RALYL: variants seen among roughly 807,000 people sequenced by gnomAD.
RALYL encodes RNA-binding Raly-like protein.
A neutral mutation model predicts 35.1 loss-of-function variants in RALYL; 29 were observed. The observed-to-expected ratio is 0.83, with a 90% CI of 0.61 to 1.13. RALYL has a LOEUF of 1.13. Ranked by LOEUF, RALYL falls within the 50% of genes most tolerant of loss-of-function variation. The pLI, the probability that RALYL is intolerant of heterozygous loss-of-function variation, is 0.00. For missense variants in RALYL, 359 were observed against 360.4 expected (o/e 1.00, Z 0.03); for synonymous variants, 120 against 127.6 (o/e 0.94, Z 0.40).
chr8:84,415,528 G>A (rs1290028909), intron 1 of RALYL, among the ~76,000 whole-genome samples: 3 of 126,914 alleles, frequency 2.4e-5, no homozygotes, highest in African/African-American at 6.0e-5. Context: ...GTGAGCCACC[G>A]CGCCCGGCCG....
intron 1 of RALYL, among the ~76,000 whole-genome samples, chr8:84,307,436 C>T (rs547725433): frequency 2.6e-4 from 39 of 152,208 alleles, no homozygotes; most frequent in Admixed American, 7.9e-4. Context: ...AGTTTGCCCT[C>T]TCTTGTCAAT....
intron 2 of RALYL, among the ~76,000 whole-genome samples, chr8:84,671,518 G>A (rs1017356837): frequency 5.3e-5 from 8 of 152,156 alleles, no homozygotes; most frequent in Admixed American, 3.3e-4. Flanking sequence ...GAACATCCAC[G>A]TGTTTCCATA....
intron 1 of RALYL, among the ~76,000 whole-genome samples, chr8:84,333,589 G>A (rs1436629429): frequency 6.6e-6 from 1 of 151,976 alleles, no homozygotes; most frequent in Non-Finnish European, 1.5e-5. Flanking sequence ...TCTTTATCTG[G>A]CCGGGTCAAC....
chr8:84,369,388 G>A (rs1855217537), intron 1 of RALYL, among the ~76,000 whole-genome samples: 1 of 151,918 alleles, frequency 6.6e-6, no homozygotes, highest in African/African-American at 2.4e-5. Flanking sequence ...GCAGGAAACT[G>A]TGGTAATTTT....
At chr8:84,498,416 A>C (rs28408952) in intron 1 of RALYL, among the ~76,000 whole-genome samples, 1 of 152,092 alleles carries the variant, frequency 6.6e-6, no homozygotes, top group Non-Finnish European at 1.5e-5. Context: ...ATTATTCATA[A>C]TTCCATTAAT....
At chr8:84,370,772 A>C (rs1285978885) in intron 1 of RALYL, among the ~76,000 whole-genome samples, 3 of 151,984 alleles carry the variant, frequency 2.0e-5, no homozygotes, top group Non-Finnish European at 2.9e-5. Flanking sequence ...AGAAGCCTGG[A>C]AACAGAATGA....
chr8:84,559,383 A>G (rs2061341940), intron 2 of RALYL, among the ~76,000 whole-genome samples: 1 of 152,082 alleles, frequency 6.6e-6, no homozygotes. Flanking sequence ...AACCACAAGT[A>G]TCTCTTAGGA....
At chr8:84,190,823 C>T (rs1272272554) in intron 1 of RALYL, among the ~76,000 whole-genome samples, 1 of 151,686 alleles carries the variant, frequency 6.6e-6, no homozygotes, top group East Asian at 1.9e-4. Context: ...CATTAAAACT[C>T]TTTAAGTGGG....
chr8:84,216,013 C>T (rs1457236030), intron 1 of RALYL, among the ~76,000 whole-genome samples: 1 of 151,946 alleles, frequency 6.6e-6, no homozygotes, highest in Admixed American at 6.6e-5. Flanking sequence ...TAACATTTGA[C>T]AATAAATGAT....
At chr8:84,379,283 T>A (rs969205180) in intron 1 of RALYL, among the ~76,000 whole-genome samples, 7 of 151,936 alleles carry the variant, frequency 4.6e-5, no homozygotes, top group African/African-American at 1.7e-4. Context: ...ATAATAGCAG[T>A]GGCAAGAAAA....
At chr8:84,430,397 A>T (rs2047015342) in intron 1 of RALYL, among the ~76,000 whole-genome samples, 1 of 152,206 alleles carries the variant, frequency 6.6e-6, no homozygotes, top group Non-Finnish European at 1.5e-5. Context: ...AATTTCTTTT[A>T]ATTTTTGTAC....
intron 1 of RALYL, among the ~76,000 whole-genome samples, chr8:84,443,590 T>C (rs973304253): frequency 1.3e-5 from 2 of 152,126 alleles, no homozygotes; most frequent in Admixed American, 6.6e-5. Flanking sequence ...GTCCCTTGCT[T>C]GGTATAGAGC....
chr8:84,228,470 C>A (rs1824514469), intron 1 of RALYL, among the ~76,000 whole-genome samples: 1 of 152,070 alleles, frequency 6.6e-6, no homozygotes, highest in East Asian at 1.9e-4. Flanking sequence ...TGATAAAAAT[C>A]CTGCAACTTT....
Position 84,656,901 on chromosome 8 carries a change from T to C in RALYL, c.257-117678T>C, listed in dbSNP as rs538669822. On this transcript the variant is annotated intron_variant, in intron 2 of 8. Transcript: ENST00000521268. ...CTATTTTGTGAGATTATGATTATTA[T>C]AATTTTATAGCTGGAATCATGCTAA... Among the ~76,000 whole-genome samples, 14 of 152,272 alleles carry C rather than the reference T, an allele frequency of 9.2e-5. No individual in the cohort carries two copies. In the South Asian group the frequency reaches 2.7e-3, roughly 29 times the overall value.
chr8:84,293,929 G>A lies in RALYL; in HGVS notation c.-24+109505G>A, dbSNP rs568952705. ...GTTTTCTATTTTTCTTCTTGCAGCA[G>A]TCCTTTTACTTGTGATACCAAAACA... On this transcript the variant is annotated intron_variant, in intron 1 of 8. Coordinates refer to ENST00000521268, the MANE Select transcript of RALYL (RefSeq NM_173848.7). Among the ~76,000 whole-genome samples the A allele has an allele frequency of 7.9e-5, 12 of 152,058 alleles. No homozygotes were observed. In the East Asian group the frequency reaches 2.3e-3, roughly 29 times the overall value.
At chr8:84,810,057 TC>T (rs1825567879) in intron 4 of RALYL, among the ~76,000 whole-genome samples, 1 of 152,174 alleles carries the variant, frequency 6.6e-6, no homozygotes, top group Non-Finnish European at 1.5e-5. Flanking sequence ...TTTCTCTAGT[TC>T]CTTGAGATGT....
rs150114953 is a variant in RALYL at position 84,359,727 on chromosome 8, A to G, written c.-23-169572A>G. On this transcript the variant is annotated intron_variant, in intron 1 of 8. Coordinates refer to ENST00000521268, the MANE Select transcript of RALYL (RefSeq NM_173848.7). ...TCTGAGAGGAAAATGAAAAGTCCTT[A>G]ATTCTAAATTTAATAATTTGCAAAT... Among the ~76,000 whole-genome samples, 119 of 152,210 alleles carry G rather than the reference A, an allele frequency of 7.8e-4. 2 individuals carry two copies. In the East Asian group the frequency reaches 0.021, roughly 27 times the overall value.
chr8:84,745,425 G>A (rs1250195967), intron 2 of RALYL, among the ~76,000 whole-genome samples: 1 of 151,908 alleles, frequency 6.6e-6, no homozygotes, highest in Non-Finnish European at 1.5e-5. Context: ...AAGCCCTAGG[G>A]TTTCTATTGT....
At chr8:84,191,120 T>A (rs1260136111) in intron 1 of RALYL, among the ~76,000 whole-genome samples, 6 of 151,568 alleles carry the variant, frequency 4.0e-5, no homozygotes, top group Non-Finnish European at 7.4e-5. Context: ...CTCAATATGA[T>A]GTGGCAGCGT....
Sources: gnomAD v4.1 joint callset for allele counts (sites outside exome capture counted in the v4.1 genomes callset) on GRCh38, gnomAD v4.1.1 for gene constraint, MANE v1.5 for transcripts, NCBI Gene and HGNC (gene_info 2026-07-23, HGNC 2026-07-21) for gene names.